NLGN1: variants seen among roughly 807,000 people sequenced by gnomAD.
The protein encoded by NLGN1 is neuroligin-1.
In NLGN1, 12 loss-of-function variants were observed where a neutral mutation model predicts 65.5. The ratio of observed to expected loss-of-function variants is 0.18; its 90% confidence interval spans 0.12 to 0.30. The LOEUF (loss-of-function observed/expected upper bound fraction) is 0.30, where lower values mean the gene tolerates loss of function less well. Ranked by LOEUF, NLGN1 falls within the 10% of genes least tolerant of loss-of-function variation. The pLI, the probability that NLGN1 is intolerant of heterozygous loss-of-function variation, is 1.00. For missense variants in NLGN1, 750 were observed against 1,007.1 expected (o/e 0.74, Z 3.46); for synonymous variants, 350 against 359.5 (o/e 0.97, Z 0.30).
At chr3:173,679,472 G>A (rs1763636714) in intron 3 of NLGN1, among the ~76,000 whole-genome samples, 1 of 152,020 alleles carries the variant, frequency 6.6e-6, no homozygotes, top group Non-Finnish European at 1.5e-5. Flanking sequence ...GTTCTACAGG[G>A]GAGGGGATAA....
At chr3:174,256,504 A>G (rs900136109) in intron 4 of NLGN1, among the ~76,000 whole-genome samples, 4 of 152,066 alleles carry the variant, frequency 2.6e-5, no homozygotes, top group Admixed American at 2.6e-4. Flanking sequence ...GCTAGGATGA[A>G]TTATAGACAT....
intron 4 of NLGN1, among the ~76,000 whole-genome samples, chr3:173,845,600 GTGGA>G (rs1258652016): frequency 3.7e-5 from 5 of 133,340 alleles, no homozygotes; most frequent in African/African-American, 1.1e-4. Flanking sequence ...AGATAGGTAG[GTGGA>G]TGGATAGATA....
At chr3:173,676,018 A>G (rs1763122331) in intron 3 of NLGN1, among the ~76,000 whole-genome samples, 1 of 152,054 alleles carries the variant, frequency 6.6e-6, no homozygotes, top group Admixed American at 6.6e-5. Context: ...GCTTTGCAAT[A>G]TGTTACTATT....
intron 3 of NLGN1, among the ~76,000 whole-genome samples, chr3:173,757,946 A>G (rs925116706): frequency 6.6e-6 from 1 of 151,998 alleles, no homozygotes; most frequent in African/African-American, 2.4e-5. Context: ...GATGGATGCT[A>G]TGGGCTGAAT....
At chr3:173,488,521 C>T (rs1463726716) in intron 2 of NLGN1, among the ~76,000 whole-genome samples, 1 of 151,964 alleles carries the variant, frequency 6.6e-6, no homozygotes, top group Non-Finnish European at 1.5e-5. Context: ...TTATTTCAGT[C>T]TTAGTTTTAA....
At chr3:174,069,041 G>C (rs1036844531) in intron 4 of NLGN1, among the ~76,000 whole-genome samples, 2 of 152,072 alleles carry the variant, frequency 1.3e-5, no homozygotes, top group African/African-American at 2.4e-5. Context: ...GACTTAAGGA[G>C]GATAACAGAG....
chr3:173,667,521 A>T (rs551638681), intron 3 of NLGN1, among the ~76,000 whole-genome samples: 4 of 152,314 alleles, frequency 2.6e-5, no homozygotes, highest in South Asian at 4.1e-4. Flanking sequence ...TGATACTATT[A>T]TCTAAATTGC....
At chr3:174,019,045 A>G (rs2152455426) in intron 4 of NLGN1, among the ~76,000 whole-genome samples, 1 of 151,862 alleles carries the variant, frequency 6.6e-6, no homozygotes, top group Non-Finnish European at 1.5e-5. Context: ...AAGTGTCACA[A>G]AATGGAGTAT....
Position 173,406,860 on chromosome 3 carries a change from CA to C in NLGN1, c.-390+8374del, listed in dbSNP as rs1718800724. On this transcript the variant is annotated intron_variant, in intron 1 of 6. Coordinates refer to ENST00000457714, the Ensembl canonical transcript of NLGN1. ...ACAGAGAAAACACTGTGTTGCTTCT[CA>C]CCTACCTGCTTTGCTTAAAAAGTGA... 2.0e-5 allele frequency among the ~76,000 whole-genome samples: 3 copies of C among 152,028 alleles called. No individual in the cohort carries two copies. In the South Asian group the frequency reaches 6.2e-4, roughly 32 times the overall value.
intron 4 of NLGN1, among the ~76,000 whole-genome samples, chr3:173,818,852 G>T (rs1329660395): frequency 7.8e-6 from 1 of 128,658 alleles, no homozygotes; most frequent in African/African-American, 3.0e-5. Context: ...GACAATGAGG[G>T]CTTGGATTTT....
intron 3 of NLGN1, among the ~76,000 whole-genome samples, chr3:173,758,749 TAAAA>T (rs1225047129): frequency 6.6e-6 from 1 of 151,944 alleles, no homozygotes; most frequent in Non-Finnish European, 1.5e-5. Flanking sequence ...CATTAAAACT[TAAAA>T]AAATAGCTAA....
chr3:173,702,504 T>C (rs1384796284), intron 3 of NLGN1, among the ~76,000 whole-genome samples: 1 of 152,230 alleles, frequency 6.6e-6, no homozygotes, highest in East Asian at 1.9e-4. Context: ...GTAAAGACTT[T>C]ATCATGTGCA....
At chr3:173,539,385 TA>T (rs1738031318) in intron 2 of NLGN1, among the ~76,000 whole-genome samples, 1 of 145,790 alleles carries the variant, frequency 6.9e-6, no homozygotes, top group Admixed American at 6.9e-5. Flanking sequence ...TGTGTATATA[TA>T]TAAAAAACAT....
chr3:173,938,352 T>C (rs1041467288), intron 4 of NLGN1, among the ~76,000 whole-genome samples: 2 of 152,132 alleles, frequency 1.3e-5, no homozygotes, highest in African/African-American at 2.4e-5. Flanking sequence ...AGCATGTTTA[T>C]TTTTCCCTTT....
intron 4 of NLGN1, among the ~76,000 whole-genome samples, chr3:174,246,274 G>A (rs1481249397): frequency 6.6e-6 from 1 of 152,128 alleles, no homozygotes; most frequent in Non-Finnish European, 1.5e-5. Context: ...TAATTTTTCA[G>A]TATATTGGTT....
chr3:173,728,556 T>A (rs1207176437), intron 3 of NLGN1, among the ~76,000 whole-genome samples: 3 of 152,082 alleles, frequency 2.0e-5, no homozygotes, highest in Non-Finnish European at 4.4e-5. Context: ...CCTCAAAATG[T>A]GACCTTATTT....
At chr3:173,803,527 A>T (rs1239070461) in intron 3 of NLGN1, among the ~76,000 whole-genome samples, 4 of 152,038 alleles carry the variant, frequency 2.6e-5, no homozygotes, top group Admixed American at 6.5e-5. Flanking sequence ...AGAATTGCTT[A>T]AATCTGGGAG....
intron 2 of NLGN1, among the ~76,000 whole-genome samples, chr3:173,552,645 C>T (rs1195968261): frequency 6.6e-6 from 1 of 152,136 alleles, no homozygotes; most frequent in Non-Finnish European, 1.5e-5. Context: ...GTCTTCCCAC[C>T]TCACAGATTG....
chr3:174,131,030 A>G lies in NLGN1; in HGVS notation c.647-144285A>G, dbSNP rs182486682. Among the ~76,000 whole-genome samples, 810 of 152,278 alleles carry G rather than the reference A, an allele frequency of 5.3e-3. 20 individuals carry two copies. The highest frequency in any genetic ancestry group is 0.015 in the East Asian group (80 of 5,184). On this transcript the variant is annotated intron_variant, in intron 4 of 6. Transcript: ENST00000457714. ...ATCATACCCCTTTCCTGAGAAGAGA[A>G]AAAATAGTGTAATGAATGTATCAAT... is the stretch of plus-strand genomic sequence containing the variant.
Sources: allele counts gnomAD v4.1 joint callset (sites outside exome capture counted in the v4.1 genomes callset), GRCh38; gene constraint gnomAD v4.1.1; transcripts MANE v1.5; gene names NCBI Gene and HGNC (gene_info 2026-07-23, HGNC 2026-07-21).